The following RIC3 variants were observed in gnomAD, a reference collection of about 807,000 sequenced individuals.
The protein encoded by RIC3 is protein RIC-3.
Under a neutral mutation model 27.3 loss-of-function variants are expected in RIC3, and 28 were observed. The observed-to-expected ratio is 1.02, with a 90% CI of 0.76 to 1.41. The LOEUF (loss-of-function observed/expected upper bound fraction) is 1.41. RIC3 is among the 40% of genes most tolerant of loss of function. The pLI is 0.00. For missense variants in RIC3, 501 were observed against 444.7 expected (o/e 1.13, Z -1.14); for synonymous variants, 184 against 160.4 (o/e 1.15, Z -1.11).
chr11:8,125,418 T>C (rs1335191306), intron 5 of RIC3, among the ~76,000 whole-genome samples: 2 of 152,150 alleles, frequency 1.3e-5, no homozygotes, highest in Admixed American at 6.6e-5. Context: ...ACTCGGAATA[T>C]ATACAGAACT....
chr11:8,101,121 G>A, downstream of RIC3: 11 of 1,190,232 alleles, frequency 9.2e-6, no homozygotes, highest in Non-Finnish European at 1.3e-5. Context: ...TACAGCTAAG[G>A]TTAGATGTAT....
intron 1 of RIC3, among the ~76,000 whole-genome samples, chr11:8,164,494 C>T (rs1205531133): frequency 1.3e-5 from 2 of 152,006 alleles, no homozygotes; most frequent in Non-Finnish European, 2.9e-5. Context: ...AAAGACAAGA[C>T]GCCAAGTGTG....
At chr11:8,159,000 G>A (rs1180503964) in intron 1 of RIC3, among the ~76,000 whole-genome samples, 1 of 151,352 alleles carries the variant, frequency 6.6e-6, no homozygotes, top group African/African-American at 2.4e-5. Flanking sequence ...CAAAGTGCTG[G>A]GATTACAGGC....
chr11:8,104,861 A>G (rs369622126), downstream of RIC3: 11 of 152,110 alleles, frequency 7.2e-5, no homozygotes, highest in Admixed American at 2.0e-4. Flanking sequence ...ATCAGAAGCT[A>G]TAAGAGAACT....
intron 1 of RIC3, among the ~76,000 whole-genome samples, chr11:8,161,003 C>T (rs1285376126): frequency 8.5e-5 from 13 of 152,194 alleles, no homozygotes; most frequent in Non-Finnish European, 1.5e-5. Context: ...GGAGAGAGGT[C>T]TGTGCCTTTC....
intron 5 of RIC3, among the ~76,000 whole-genome samples, chr11:8,125,147 G>A (rs1300946491): frequency 2.0e-5 from 3 of 151,922 alleles, no homozygotes; most frequent in Admixed American, 1.3e-4. Context: ...CCAGCTACTA[G>A]GGAGGCTGAG....
At chr11:8,166,153 G>A (rs1001587621) in intron 1 of RIC3, among the ~76,000 whole-genome samples, 4 of 152,072 alleles carry the variant, frequency 2.6e-5, no homozygotes, top group African/African-American at 2.4e-5. Context: ...TGTTCCCTGC[G>A]CAGACTTGAG....
At chr11:8,102,420 GGTT>G (rs1944346785), downstream of RIC3, 1 of 152,202 alleles carries the variant, frequency 6.6e-6, no homozygotes, top group Non-Finnish European at 1.5e-5. Flanking sequence ...CCTGGATCAG[GGTT>G]GTTCTGGGAG....
downstream of RIC3, chr11:8,105,274 T>C (rs1278520005): frequency 1.3e-5 from 2 of 152,254 alleles, no homozygotes; most frequent in Non-Finnish European, 2.9e-5. Context: ...TCCAGATAGC[T>C]GAATGAGTCT....
intron 1 of RIC3, among the ~76,000 whole-genome samples, chr11:8,156,483 G>A (rs1950664049): frequency 6.6e-6 from 1 of 152,186 alleles, no homozygotes; most frequent in African/African-American, 2.4e-5. Context: ...AGCACATATA[G>A]TAGGTATTTA....
intron 1 of RIC3, among the ~76,000 whole-genome samples, chr11:8,146,833 G>T (rs1221443017): frequency 6.6e-6 from 1 of 152,166 alleles, no homozygotes; most frequent in Non-Finnish European, 1.5e-5. Flanking sequence ...CAACAGACAG[G>T]AAATGTTTAG....
chr11:8,112,470 T>A (rs937226251), intron 5 of RIC3, among the ~76,000 whole-genome samples: 1 of 152,144 alleles, frequency 6.6e-6, no homozygotes, highest in African/African-American at 2.4e-5. Flanking sequence ...ATTTTTTGTA[T>A]TTTTAGCAGA....
At chr11:8,093,980 G>T in the RIC3 span, 1 of 1,598,902 alleles carries the variant, frequency 6.3e-7, no homozygotes, top group Non-Finnish European at 8.6e-7. Context: ...ACTGTGTTCA[G>T]GTGGGAGCTC....
the RIC3 span, chr11:8,096,749 C>T: frequency 6.2e-7 from 1 of 1,614,132 alleles, no homozygotes; most frequent in Non-Finnish European, 8.5e-7. Flanking sequence ...GCTCCAGCTC[C>T]TCCCAGCTAA....
the RIC3 span, among the ~76,000 whole-genome samples, chr11:8,094,678 C>T: frequency 6.6e-6 from 1 of 152,200 alleles, no homozygotes; most frequent in Non-Finnish European, 1.5e-5. Flanking sequence ...CAGCCTGTTC[C>T]CTCTGCTCCT....
intron 5 of RIC3, among the ~76,000 whole-genome samples, chr11:8,112,780 C>T (rs1488496194): frequency 6.6e-6 from 1 of 152,172 alleles, no homozygotes. Context: ...TACTAGTCCT[C>T]TTTTCTAGGG....
At chr11:8,166,723 T>A (rs552105911) in intron 1 of RIC3, among the ~76,000 whole-genome samples, 172 of 151,862 alleles carry the variant, frequency 1.1e-3, no homozygotes, top group Middle Eastern at 3.4e-3. Context: ...ACAAAAAAAA[T>A]TTTTTTTAAT....
chr11:8,097,795 CGAG>C, the RIC3 span: 2 of 1,613,870 alleles, frequency 1.2e-6, no homozygotes, highest in African/African-American at 2.7e-5. Context: ...AGACTTGTCT[CGAG>C]GAGGGGACAG....
the RIC3 span, chr11:8,096,792 AG>A: frequency 6.2e-7 from 1 of 1,614,176 alleles, no homozygotes; most frequent in Admixed American, 1.7e-5. Flanking sequence ...TGCTACTAGC[AG>A]GAAGTCCGTC....
Sources: gnomAD v4.1 joint callset for allele counts (sites outside exome capture counted in the v4.1 genomes callset) on GRCh38, gnomAD v4.1.1 for gene constraint, MANE v1.5 for transcripts, NCBI Gene and HGNC (gene_info 2026-07-23, HGNC 2026-07-21) for gene names.